NR3C2: variants seen among roughly 807,000 people sequenced by gnomAD.
The protein encoded by NR3C2 is nuclear receptor subfamily 3 group C member 2, also known as mineralocorticoid receptor.
NR3C2 carries 15 observed loss-of-function variants against 86.4 expected under a neutral mutation model. That is an observed-to-expected ratio of 0.17 (90% CI 0.12 to 0.27). NR3C2 has a LOEUF of 0.27. Among genes scored for constraint, NR3C2 ranks in the 10% least tolerant of loss-of-function variants. The pLI is 1.00. For missense variants in NR3C2, 960 were observed against 1,195.6 expected, an observed-to-expected ratio of 0.80 and a Z score of 2.91; for synonymous variants, 458 against 450.5, an observed-to-expected ratio of 1.02 and a Z score of -0.21.
intron 4 of NR3C2, among the ~76,000 whole-genome samples, chr4:148,158,619 T>C (rs1273320649): frequency 8.5e-5 from 13 of 152,220 alleles, no homozygotes. Flanking sequence ...ATTTATTGAC[T>C]AGAACAGCCA....
intron 3 of NR3C2, among the ~76,000 whole-genome samples, chr4:148,257,624 A>C (rs1480400853): frequency 6.6e-6 from 1 of 152,170 alleles, no homozygotes; most frequent in Non-Finnish European, 1.5e-5. Flanking sequence ...GAGTTTTACA[A>C]ATATTATAAA....
chr4:148,432,151 G>A (rs1017772291), intron 2 of NR3C2, among the ~76,000 whole-genome samples: 3 of 152,088 alleles, frequency 2.0e-5, no homozygotes, highest in South Asian at 2.1e-4. Flanking sequence ...AGTGAGAAGA[G>A]TGGCACTGTT....
chr4:148,400,585 C>A (rs1367530267), intron 2 of NR3C2, among the ~76,000 whole-genome samples: 1 of 151,900 alleles, frequency 6.6e-6, no homozygotes, highest in African/African-American at 2.4e-5. Context: ...TCGAGACCAG[C>A]CTAGCCAACA....
At chr4:148,340,042 A>T (rs1744678155) in intron 2 of NR3C2, among the ~76,000 whole-genome samples, 1 of 152,204 alleles carries the variant, frequency 6.6e-6, no homozygotes, top group Non-Finnish European at 1.5e-5. Flanking sequence ...TGACGAAAGA[A>T]ATTGAAGAGG....
At chr4:148,323,126 G>T in intron 2 of NR3C2, among the ~76,000 whole-genome samples, 1 of 149,722 alleles carries the variant, frequency 6.7e-6, no homozygotes, top group Admixed American at 6.7e-5. Flanking sequence ...AGGTCTGTTG[G>T]AATACCCTGC....
chr4:148,286,135 G>C (rs1016450004), intron 2 of NR3C2, among the ~76,000 whole-genome samples: 6 of 152,112 alleles, frequency 3.9e-5, no homozygotes, highest in Non-Finnish European at 5.9e-5. Context: ...GACAAGCCTG[G>C]GTGTGTGGCA....
intron 2 of NR3C2, among the ~76,000 whole-genome samples, chr4:148,332,402 T>C (rs774175770): frequency 9.4e-5 from 14 of 149,360 alleles, no homozygotes; most frequent in Non-Finnish European, 2.0e-4. Flanking sequence ...TAACCTTTGA[T>C]GTACAATCGA....
At chr4:148,280,163 T>C (rs1741162880) in intron 2 of NR3C2, among the ~76,000 whole-genome samples, 1 of 152,188 alleles carries the variant, frequency 6.6e-6, no homozygotes, top group Non-Finnish European at 1.5e-5. Context: ...ACTGAGCTCC[T>C]ATGGGAGAAT....
intron 2 of NR3C2, among the ~76,000 whole-genome samples, chr4:148,363,658 C>T (rs1027462145): frequency 2.0e-5 from 3 of 152,074 alleles, no homozygotes; most frequent in Non-Finnish European, 4.4e-5. Flanking sequence ...TGCCCACCAC[C>T]ACGCCCGGCT....
At chr4:148,166,387 T>G (rs1325507239) in intron 4 of NR3C2, among the ~76,000 whole-genome samples, 3 of 152,208 alleles carry the variant, frequency 2.0e-5, no homozygotes, top group South Asian at 2.1e-4. Context: ...GTGGCCAGAA[T>G]GGGGGCAGAC....
At chr4:148,298,691 C>T (rs1742181026) in intron 2 of NR3C2, among the ~76,000 whole-genome samples, 2 of 152,176 alleles carry the variant, frequency 1.3e-5, no homozygotes, top group African/African-American at 4.8e-5. Context: ...TCTTATCATC[C>T]ACTGTTAATT....
intron 2 of NR3C2, among the ~76,000 whole-genome samples, chr4:148,289,133 T>C (rs990706467): frequency 2.0e-5 from 3 of 152,148 alleles, no homozygotes; most frequent in African/African-American, 4.8e-5. Flanking sequence ...AAACTGGATA[T>C]GCAATAATTG....
intron 2 of NR3C2, among the ~76,000 whole-genome samples, chr4:148,380,172 T>A (rs1476314828): frequency 6.6e-6 from 1 of 152,234 alleles, no homozygotes; most frequent in Non-Finnish European, 1.5e-5. Context: ...AACTATTTTA[T>A]AAGAAACTAT....
intron 3 of NR3C2, among the ~76,000 whole-genome samples, chr4:148,207,386 C>T (rs74501861): frequency 0.015 from 2,324 of 152,250 alleles, 31 homozygotes; most frequent in Non-Finnish European, 0.024. Context: ...ACTGAATCTT[C>T]GCATGCATGA....
Position 148,258,481 on chromosome 4 carries a change from C to T in NR3C2, c.1897+1497G>A, listed in dbSNP as rs1004844443. On this transcript the variant is annotated intron_variant, in intron 3 of 8. Coordinates refer to ENST00000358102, the MANE Select transcript of NR3C2 (RefSeq NM_000901.5). ...CCTAAGGGAAACGTCCTTCCCCATT[C>T]TTGGTCTAGATGGTTCAGGTTGTCC... is the stretch of plus-strand genomic sequence containing the variant. Among the ~76,000 whole-genome samples, 6 of 152,272 alleles carry T rather than the reference C, an allele frequency of 3.9e-5. No homozygotes were observed. The South Asian group carries it at 6.2e-4, about 16-fold the overall frequency.
At chr4:148,423,163 A>G (rs1232924944) in intron 2 of NR3C2, among the ~76,000 whole-genome samples, 1 of 151,928 alleles carries the variant, frequency 6.6e-6, no homozygotes, top group South Asian at 2.1e-4. Context: ...TTTTGTCTCA[A>G]TCCTTATTTT....
intron 2 of NR3C2, among the ~76,000 whole-genome samples, chr4:148,371,509 A>C (rs1384565143): frequency 6.6e-6 from 1 of 152,178 alleles, no homozygotes; most frequent in East Asian, 1.9e-4. Context: ...AGACATTACA[A>C]CACTTAATTA....
At chr4:148,320,826 C>A (rs1348879406) in intron 2 of NR3C2, among the ~76,000 whole-genome samples, 1 of 150,698 alleles carries the variant, frequency 6.6e-6, no homozygotes, top group Admixed American at 6.6e-5. Context: ...TTCAAAAAAC[C>A]AGCTCCTGGA....
chr4:148,178,945 A>C (rs1193634266), intron 4 of NR3C2, among the ~76,000 whole-genome samples: 2 of 150,996 alleles, frequency 1.3e-5, no homozygotes, highest in Admixed American at 6.6e-5. Flanking sequence ...AAAAAAAAAA[A>C]AACAAAAAAA....
Sources: allele counts gnomAD v4.1 joint callset (sites outside exome capture counted in the v4.1 genomes callset), GRCh38; gene constraint gnomAD v4.1.1; transcripts MANE v1.5; gene names NCBI Gene and HGNC (gene_info 2026-07-23, HGNC 2026-07-21).